DCDC2: variants seen among roughly 807,000 people sequenced by gnomAD.
DCDC2 encodes doublecortin domain containing 2.
Under a neutral mutation model 50.2 loss-of-function variants are expected in DCDC2, and 40 were observed. The observed-to-expected ratio is 0.80, with a 90% CI of 0.62 to 1.04. The LOEUF is 1.04. Ranked by LOEUF, DCDC2 falls within the 50% of genes least tolerant of loss-of-function variation. DCDC2 has a pLI of 0.00. For synonymous variants in DCDC2, 234 were observed against 210.6 expected, an observed-to-expected ratio of 1.11 and a Z score of -0.96; for missense variants, 570 against 581.9, an observed-to-expected ratio of 0.98 and a Z score of 0.21.
At chr6:24,258,367 A>G (rs1762938754) in intron 7 of DCDC2, among the ~76,000 whole-genome samples, 1 of 152,150 alleles carries the variant, frequency 6.6e-6, no homozygotes. Context: ...CCACTTTACA[A>G]ACATCTAGCT....
At chr6:24,367,460 G>A in the DCDC2 span, among the ~76,000 whole-genome samples, 2 of 152,232 alleles carry the variant, frequency 1.3e-5, no homozygotes, top group Non-Finnish European at 1.5e-5. Context: ...ATTACGGCAA[G>A]AAGATATGCT....
chr6:24,268,823 C>T (rs1375160570), intron 7 of DCDC2, among the ~76,000 whole-genome samples: 1 of 152,126 alleles, frequency 6.6e-6, no homozygotes, highest in Admixed American at 6.5e-5. Context: ...CCACCCATCT[C>T]GGCCTCCCAA....
At chr6:24,381,959 A>AGGAAGGAAGGAAGGAAG in the DCDC2 span, among the ~76,000 whole-genome samples, 20 of 103,580 alleles carry the variant, frequency 1.9e-4, no homozygotes, top group Non-Finnish European at 3.9e-4. Context: ...AAGGAAAGAA[A>AGGAAGGAAGGAAGGAAG]GAAGGAAGGA....
In DCDC2 at chr6:24,278,129, T is replaced by C. The variant is rs915997747; in HGVS notation, c.842A>G (p.Glu281Gly). ...PQPLKRKGKK[E>G]DVNSEKLTKL... The stretch of plus-strand genomic sequence containing the variant: ...CGTCAGTTTTTCTGAATTCACGTCT[T>C]CTTTTTTCCCTTTCCTCTTCAGGGG... The change falls in exon 7 of 10, where the codon GAA (glutamate) becomes GGA (glycine). Residue 281 changes from glutamate to glycine, a missense_variant. Glu to Gly is a moderately conservative substitution (Grantham distance 98). Transcript: ENST00000378454. 1.2e-6 allele frequency: 2 copies of C among 1,613,996 alleles called. No homozygotes were observed. Among genetic ancestry groups the C allele is most frequent in the East Asian group, 4.5e-5 (2 of 44,866 alleles).
At chr6:24,361,841 ATC>A (rs1200320700), upstream of DCDC2, among the ~76,000 whole-genome samples, 1 of 152,164 alleles carries the variant, frequency 6.6e-6, no homozygotes, top group African/African-American at 2.4e-5. Flanking sequence ...CCACTGCGGT[ATC>A]TCCAACCCGG....
rs766165483 is a variant in DCDC2 at position 24,357,463 on chromosome 6, T to C, written c.288A>G (p.Lys96=). The C allele has an allele frequency of 5.6e-6, 9 of 1,600,280 alleles. No homozygotes were observed. The Admixed American group carries it at 1.4e-4, about 24-fold the overall frequency. Residue 96 remains lysine (K), a synonymous_variant, in exon 1 of 10, where the codon AAA becomes AAG. Transcript: ENST00000378454. ...GGTGGGGGAGACCGACTCACTTGAG[T>C]TTCTTGAAGGCTTCCTGGCCTCCAG... ...YVAGGQEAFK[K]LNYLDIGEIK...
the DCDC2 span, among the ~76,000 whole-genome samples, chr6:24,377,833 C>CA: frequency 6.6e-5 from 10 of 152,052 alleles, no homozygotes; most frequent in African/African-American, 1.9e-4. Context: ...CCTAAAAATA[C>CA]AAAAAATCAG....
chr6:24,382,177 C>T, the DCDC2 span, among the ~76,000 whole-genome samples: 2 of 152,096 alleles, frequency 1.3e-5, no homozygotes, highest in Non-Finnish European at 2.9e-5. Context: ...ATTTTTGTCA[C>T]TCTCAATGGG....
At chr6:24,250,947 A>G (rs1762782037) in intron 7 of DCDC2, among the ~76,000 whole-genome samples, 1 of 152,216 alleles carries the variant, frequency 6.6e-6, no homozygotes, top group African/African-American at 2.4e-5. Flanking sequence ...ATTACTGATA[A>G]GCAAAAATGG....
intron 7 of DCDC2, among the ~76,000 whole-genome samples, chr6:24,221,017 T>C (rs1045208877): frequency 1.8e-5 from 2 of 108,174 alleles, no homozygotes; most frequent in Non-Finnish European, 3.8e-5. Context: ...GAACTGCCCC[T>C]ATGATCCACT....
At chr6:24,297,276 A>T (rs1678249414) in intron 4 of DCDC2, among the ~76,000 whole-genome samples, 1 of 152,086 alleles carries the variant, frequency 6.6e-6, no homozygotes, top group African/African-American at 2.4e-5. Flanking sequence ...ACATGCGCAC[A>T]AAGAGAAGAA....
rs577849906 is a variant in DCDC2 at position 24,279,121 on chromosome 6, T to A, written c.760-910A>T. On this transcript the variant is annotated intron_variant, in intron 6 of 9. Coordinates refer to ENST00000378454, the MANE Select transcript of DCDC2 (RefSeq NM_016356.5). Reference sequence around the variant, plus strand: ...TCGGTGGCTTTTATCACTGGCCCAGTACAGCTCCTGGGGAGCCACATAGCA... The same window carrying A: ...TCGGTGGCTTTTATCACTGGCCCAGAACAGCTCCTGGGGAGCCACATAGCA... Among the ~76,000 whole-genome samples, 13 of 152,208 alleles carry A rather than the reference T, an allele frequency of 8.5e-5. No individual in the cohort carries two copies. The South Asian group carries it at 2.5e-3, about 29-fold the overall frequency.
rs369501405 is a variant in DCDC2 at position 24,199,991 on chromosome 6, C to T, written c.1023+5011G>A. Among the ~76,000 whole-genome samples, 42 of 152,172 alleles carry T rather than the reference C, an allele frequency of 2.8e-4. No homozygotes were observed. In the South Asian group the frequency reaches 7.9e-3, roughly 29 times the overall value. ...AAATAATGAAAAGGAACAAAGCCTC[C>T]AGAAAATATGGGACTATGTGAAAAG... On this transcript the variant is annotated intron_variant, in intron 8 of 9. Transcript: ENST00000378454.
At chr6:24,299,456 A>G (rs1278202865) in intron 4 of DCDC2, among the ~76,000 whole-genome samples, 1 of 152,214 alleles carries the variant, frequency 6.6e-6, no homozygotes, top group African/African-American at 2.4e-5. Flanking sequence ...CAAACCTGCA[A>G]ATGTATTCCC....
Position 24,174,538 on chromosome 6 carries a change from AAAGT to A in DCDC2, c.*188_*191del, listed in dbSNP as rs1244210368. 4 of 433,770 alleles carry A rather than the reference AAAGT, an allele frequency of 9.2e-6. No individual in the cohort carries two copies. Among genetic ancestry groups the A allele is most frequent in the African/African-American group, 4.0e-5 (2 of 50,132 alleles). 26.9% of individuals were successfully genotyped at this position (433,770 alleles called of 1,614,324 possible). A position where few individuals can be genotyped will look rare whatever the true frequency, so the allele number is the denominator to read the frequency against. On this transcript the variant is annotated 3_prime_UTR_variant, in exon 10 of 10. Transcript: ENST00000378454. ...TATGACTTTTAAAACACATGCAATA[AAAGT>A]AAGTAATTATCCTTTAGTAGCCATT... is the stretch of plus-strand genomic sequence containing the variant.
Position 24,177,290 on chromosome 6 carries a change from A to G in DCDC2, c.1326+1040T>C, listed in dbSNP as rs182285698. 2.6e-5 allele frequency among the ~76,000 whole-genome samples: 4 copies of G among 152,366 alleles called. No homozygotes were observed. The East Asian group carries it at 7.7e-4, about 29-fold the overall frequency. ...GAGCATTTTCATTTAGATGTTAAGA[A>G]CATTTTGAATAACTCATATAGTGGA... On this transcript the variant is annotated intron_variant, in intron 9 of 9. Coordinates refer to ENST00000378454, the MANE Select transcript of DCDC2 (RefSeq NM_016356.5).
chr6:24,355,093 A>G lies in DCDC2; in HGVS notation c.294-1470T>C, dbSNP rs146177927. Among the ~76,000 whole-genome samples, 26 of 152,286 alleles carry G rather than the reference A, an allele frequency of 1.7e-4. No homozygotes were observed. The East Asian group carries it at 4.4e-3, about 26-fold the overall frequency. On this transcript the variant is annotated intron_variant, in intron 1 of 9. Coordinates refer to ENST00000378454, the MANE Select transcript of DCDC2 (RefSeq NM_016356.5). ...CATTCAAGTATTCTTGGCTTCTATC[A>G]TTATAACCGTAGATACTACTTCTTT... is the stretch of plus-strand genomic sequence containing the variant.
In DCDC2 at chr6:24,357,698, C is replaced by T. The variant is rs144637885; in HGVS notation, c.53G>A (p.Ser18Asn). 2 of 1,613,236 alleles carry T rather than the reference C, an allele frequency of 1.2e-6. No homozygotes were observed. The highest frequency in any genetic ancestry group is 1.3e-5 in the African/African-American group (1 of 74,950). Reference protein sequence around the residue: ...SSHLSQPVVKSVLVYRNGDPF... With the variant: ...SSHLSQPVVKNVLVYRNGDPF... ...GTCCCCGTTGCGGTACACAAGCACG[C>T]TCTTCACGACGGGCTGAGACAGGTG... Residue 18 changes from serine to asparagine, a missense_variant, in exon 1 of 10, where the codon AGC (serine) becomes AAC (asparagine). Ser to Asn is a conservative substitution (Grantham distance 46). Transcript: ENST00000378454.
upstream of DCDC2, among the ~76,000 whole-genome samples, chr6:24,361,248 A>G (rs1238865164): frequency 6.6e-6 from 1 of 152,152 alleles, no homozygotes; most frequent in African/African-American, 2.4e-5. Flanking sequence ...CAAAGAAGGG[A>G]ACAACAGATA....
Sources: allele counts gnomAD v4.1 joint callset (sites outside exome capture counted in the v4.1 genomes callset), GRCh38; gene constraint gnomAD v4.1.1; transcripts MANE v1.5; gene names NCBI Gene and HGNC (gene_info 2026-07-23, HGNC 2026-07-21).